Variants in RNGTT observed in about 807,000 individuals in gnomAD.
The protein encoded by RNGTT is mRNA-capping enzyme.
Under a neutral mutation model 79.3 loss-of-function variants are expected in RNGTT, and 33 were observed. That is an observed-to-expected ratio of 0.42 (90% CI 0.32 to 0.56). The LOEUF (loss-of-function observed/expected upper bound fraction) is 0.56. Among genes scored for constraint, RNGTT ranks in the 20% least tolerant of loss-of-function variants. The pLI is 0.17. For missense variants in RNGTT, 497 were observed against 739.1 expected, an observed-to-expected ratio of 0.67 and a Z score of 3.80; for synonymous variants, 222 against 235.9, an observed-to-expected ratio of 0.94 and a Z score of 0.54.
At chr6:88,855,204 C>T (rs1235029466) in intron 8 of RNGTT, among the ~76,000 whole-genome samples, 1 of 152,140 alleles carries the variant, frequency 6.6e-6, no homozygotes, top group Non-Finnish European at 1.5e-5. Flanking sequence ...CTGAAAGATG[C>T]AGCTGAATCA....
At chr6:88,713,776 AC>A (rs1475263053) in intron 13 of RNGTT, among the ~76,000 whole-genome samples, 2 of 152,200 alleles carry the variant, frequency 1.3e-5, no homozygotes, top group Non-Finnish European at 2.9e-5. Flanking sequence ...GCTTTTTATT[AC>A]GCTACATATG....
intron 4 of RNGTT, among the ~76,000 whole-genome samples, chr6:88,916,041 C>T (rs147801085): frequency 6.6e-6 from 1 of 152,030 alleles, no homozygotes; most frequent in Non-Finnish European, 1.5e-5. Flanking sequence ...CAGGAAAATG[C>T]GAGTTAAAAC....
intron 1 of RNGTT, among the ~76,000 whole-genome samples, chr6:88,956,540 A>G (rs1333528917): frequency 2.6e-5 from 4 of 152,216 alleles, no homozygotes; most frequent in Non-Finnish European, 5.9e-5. Context: ...AAATCATTCT[A>G]TGAAGCCAGT....
At chr6:88,759,141 A>G (rs1379097668) in intron 13 of RNGTT, among the ~76,000 whole-genome samples, 1 of 152,182 alleles carries the variant, frequency 6.6e-6, no homozygotes, top group Non-Finnish European at 1.5e-5. Flanking sequence ...GGACTCATAG[A>G]TTCCTATTTT....
chr6:88,676,386 A>C, intron 14 of RNGTT, among the ~76,000 whole-genome samples: 1 of 149,036 alleles, frequency 6.7e-6, no homozygotes, highest in Non-Finnish European at 1.5e-5. Context: ...AAAAGATGAC[A>C]AAAAAAAAGA....
At chr6:88,778,900 A>G (rs961579761) in intron 12 of RNGTT, among the ~76,000 whole-genome samples, 2 of 152,228 alleles carry the variant, frequency 1.3e-5, no homozygotes, top group Non-Finnish European at 1.5e-5. Context: ...ATAATTTTTC[A>G]GTGGAAATTT....
At chr6:88,954,450 A>G (rs1363638403) in intron 1 of RNGTT, among the ~76,000 whole-genome samples, 2 of 152,196 alleles carry the variant, frequency 1.3e-5, no homozygotes, top group East Asian at 3.8e-4. Flanking sequence ...AATCCTATAT[A>G]TGCACCTAAC....
intron 13 of RNGTT, among the ~76,000 whole-genome samples, chr6:88,707,579 C>T (rs1214691236): frequency 1.3e-5 from 2 of 152,132 alleles, no homozygotes; most frequent in Middle Eastern, 3.4e-3. Context: ...TTTAATGCTT[C>T]AAAGTAGCAA....
At chr6:88,812,944 AATG>A (rs1367619135) in intron 11 of RNGTT, among the ~76,000 whole-genome samples, 1 of 152,192 alleles carries the variant, frequency 6.6e-6, no homozygotes, top group Non-Finnish European at 1.5e-5. Flanking sequence ...ATTTTTAGAA[AATG>A]ATGAGAAGAG....
At chr6:88,648,189 G>A (rs1773651025) in intron 14 of RNGTT, among the ~76,000 whole-genome samples, 1 of 152,108 alleles carries the variant, frequency 6.6e-6, no homozygotes, top group Non-Finnish European at 1.5e-5. Context: ...TAGTAAGACT[G>A]TAAGACTTAG....
intron 13 of RNGTT, among the ~76,000 whole-genome samples, chr6:88,682,006 T>C (rs1308986109): frequency 1.3e-5 from 2 of 152,164 alleles, no homozygotes; most frequent in Non-Finnish European, 1.5e-5. Flanking sequence ...TTAACCAATA[T>C]GTATTCTGAA....
intron 12 of RNGTT, among the ~76,000 whole-genome samples, chr6:88,799,412 G>T (rs886574880): frequency 6.6e-5 from 10 of 152,016 alleles, no homozygotes; most frequent in African/African-American, 2.2e-4. Context: ...AAAAAGTGTG[G>T]TTACGGCCCG....
chr6:88,726,080 T>C (rs949169771), intron 13 of RNGTT, among the ~76,000 whole-genome samples: 15 of 151,858 alleles, frequency 9.9e-5, no homozygotes, highest in African/African-American at 2.7e-4. Context: ...AAAGAGTGTA[T>C]CCTATTCCTT....
intron 13 of RNGTT, among the ~76,000 whole-genome samples, chr6:88,755,162 C>T (rs1777968325): frequency 6.6e-6 from 1 of 152,130 alleles, no homozygotes; most frequent in Non-Finnish European, 1.5e-5. Flanking sequence ...ATTTGCCTGT[C>T]TGGAAAAAGG....
At chr6:88,717,634 A>G (rs1004851585) in intron 13 of RNGTT, among the ~76,000 whole-genome samples, 3 of 152,138 alleles carry the variant, frequency 2.0e-5, no homozygotes, top group African/African-American at 7.2e-5. Flanking sequence ...TGTATTTCAG[A>G]CTGGATACTG....
chr6:88,772,275 T>TA (rs1009695026), intron 12 of RNGTT, among the ~76,000 whole-genome samples: 176 of 143,280 alleles, frequency 1.2e-3, no homozygotes, highest in East Asian at 3.4e-3. Flanking sequence ...CTGATTTCTT[T>TA]AAAAAAAAAA....
intron 4 of RNGTT, among the ~76,000 whole-genome samples, chr6:88,925,433 A>G (rs1349896600): frequency 1.3e-5 from 2 of 152,038 alleles, no homozygotes; most frequent in Non-Finnish European, 2.9e-5. Context: ...TCTACAAAAA[A>G]TACAAAAATT....
At chr6:88,911,132 C>A (rs186527552) in intron 4 of RNGTT, among the ~76,000 whole-genome samples, 1 of 152,208 alleles carries the variant, frequency 6.6e-6, no homozygotes, top group African/African-American at 2.4e-5. Context: ...TCTCACGTAT[C>A]ATTAACCTTG....
At chr6:88,619,765 A>G (rs980638868) in intron 14 of RNGTT, among the ~76,000 whole-genome samples, 1 of 152,188 alleles carries the variant, frequency 6.6e-6, no homozygotes, top group African/African-American at 2.4e-5. Flanking sequence ...TTTTAAACAT[A>G]TCTCAAGTAA....
Sources: allele counts gnomAD v4.1 joint callset (sites outside exome capture counted in the v4.1 genomes callset), GRCh38; gene constraint gnomAD v4.1.1; transcripts MANE v1.5; gene names NCBI Gene and HGNC (gene_info 2026-07-23, HGNC 2026-07-21).